Variants in LRRFIP1 observed in about 807,000 individuals in gnomAD.
The protein encoded by LRRFIP1 is leucine-rich repeat flightless-interacting protein 1.
A neutral mutation model predicts 104.4 loss-of-function variants in LRRFIP1; 62 were observed. That is an observed-to-expected ratio of 0.59 (90% CI 0.48 to 0.73). LRRFIP1 has a LOEUF of 0.73. Among genes scored for constraint, LRRFIP1 ranks in the 30% least tolerant of loss-of-function variants. LRRFIP1 has a pLI of 0.00. For synonymous variants in LRRFIP1, 300 were observed against 299.0 expected (o/e 1.00, Z -0.03); for missense variants, 796 against 824.5 (o/e 0.97, Z 0.42).
At position 237,691,348 on chromosome 2, in the gene LRRFIP1, G is replaced by T. The variant is rs942670670; in HGVS notation, c.97-17196G>T. Among the ~76,000 whole-genome samples, 1 of 152,204 alleles carries T rather than the reference G, an allele frequency of 6.6e-6. No homozygotes were observed. Among genetic ancestry groups the T allele is most frequent in the Non-Finnish European group, 1.5e-5 (1 of 68,034 alleles). On this transcript the variant is annotated intron_variant, in intron 1 of 23. Coordinates refer to ENST00000308482, the MANE Select transcript of LRRFIP1 (RefSeq NM_001137550.2). The surrounding 1 kb of genome is among the most constrained non-coding windows in gnomAD (Gnocchi z 5.4). ...GGTGGCGCGGGCTGGAGCCCTCCCG[G>T]AGGAGACCGGCGCCTGGCAGGGGGT...
At chr2:237,665,665 T>C (rs536319984) in intron 1 of LRRFIP1, among the ~76,000 whole-genome samples, 2 of 152,376 alleles carry the variant, frequency 1.3e-5, no homozygotes, top group East Asian at 3.9e-4. Context: ...AGCGATATTG[T>C]GTTTATGTAG....
In LRRFIP1 at chr2:237,720,959, T is replaced by C. The variant is rs541881439; in HGVS notation, c.345+137T>C. ...AATATTTAACCGATGAGATGCTTAC[T>C]TAAAATCAAATCAATGGGGGATGTT... On this transcript the variant is annotated intron_variant, in intron 6 of 23. Coordinates refer to ENST00000308482, the MANE Select transcript of LRRFIP1 (RefSeq NM_001137550.2). 5 of 732,942 alleles carry C rather than the reference T, an allele frequency of 6.8e-6. No individual in the cohort carries two copies. In the Admixed American group the frequency reaches 1.1e-4, roughly 17 times the overall value. The allele number at this position is 732,942 out of a possible 1,614,324, so 45.4% of individuals were successfully genotyped here.
intron 1 of LRRFIP1, among the ~76,000 whole-genome samples, chr2:237,630,847 G>A (rs1462333058): frequency 6.6e-6 from 1 of 152,254 alleles, no homozygotes; most frequent in Admixed American, 6.5e-5. Context: ...CTTGCTTCAT[G>A]GAGGCCAGCT....
chr2:237,643,556 C>G (rs754480981), intron 1 of LRRFIP1, among the ~76,000 whole-genome samples: 4 of 152,232 alleles, frequency 2.6e-5, no homozygotes, highest in Non-Finnish European at 5.9e-5. Context: ...CTGTGACCTT[C>G]CCGCTGGGCG....
chr2:237,771,112 C>T (rs1490321536), intron 20 of LRRFIP1, among the ~76,000 whole-genome samples: 2 of 152,046 alleles, frequency 1.3e-5, no homozygotes, highest in Non-Finnish European at 2.9e-5. Flanking sequence ...GGTAGGAAGG[C>T]AGGTGATCAC....
Position 237,681,678 on chromosome 2 carries a change from C to CTTTTTTTTTTTTT in LRRFIP1, c.97-26859_97-26847dup, listed in dbSNP as rs1172576547. Among the ~76,000 whole-genome samples, 105 of 44,890 alleles carry CTTTTTTTTTTTTT rather than the reference C, an allele frequency of 2.3e-3. 30 individuals are homozygous for CTTTTTTTTTTTTT. Among genetic ancestry groups the CTTTTTTTTTTTTT allele is most frequent in the East Asian group, 0.015 (15 of 990 alleles). The allele number at this position is 44,890 out of a possible 152,430, so 29.4% of individuals were successfully genotyped here. On this transcript the variant is annotated intron_variant, in intron 1 of 23. Coordinates refer to ENST00000308482, the MANE Select transcript of LRRFIP1 (RefSeq NM_001137550.2). ...CACCGTGCCCGGCCGCAGTCCTATT[C>CTTTTTTTTTTTTT]TTTTTTTTTTTTTTTTTTTGAGACG...
intron 11 of LRRFIP1, among the ~76,000 whole-genome samples, chr2:237,741,818 G>C (rs1445717033): frequency 6.6e-6 from 1 of 151,100 alleles, no homozygotes; most frequent in African/African-American, 2.4e-5. Context: ...ACAAGGCAAG[G>C]CTCCGTCTAA....
chr2:237,696,919 C>T (rs554972002), intron 1 of LRRFIP1, among the ~76,000 whole-genome samples: 2 of 152,244 alleles, frequency 1.3e-5, no homozygotes, highest in Non-Finnish European at 2.9e-5. Context: ...GGACAGAAGT[C>T]CTTGTCTTGA....
intron 20 of LRRFIP1, among the ~76,000 whole-genome samples, chr2:237,771,622 C>T (rs968325898): frequency 7.9e-6 from 1 of 127,308 alleles, no homozygotes; most frequent in Non-Finnish European, 1.6e-5. Flanking sequence ...GAGGGGAAAG[C>T]TAGCTAGAGA....
intron 1 of LRRFIP1, among the ~76,000 whole-genome samples, chr2:237,672,584 T>C (rs2149555689): frequency 6.6e-6 from 1 of 152,336 alleles, no homozygotes; most frequent in Non-Finnish European, 1.5e-5. Flanking sequence ...TCTGTCAAAA[T>C]GGAAAGAAAG....
rs538011207 is a variant in LRRFIP1 at position 237,757,648 on chromosome 2, A to T, written c.1224+100A>T. ...AGTTTGCAAAACCGCTTGTCTGAGT[A>T]TGCATGCAACTCCCACGTGACACAA... On this transcript the variant is annotated intron_variant, in intron 17 of 23. Transcript: ENST00000308482. 2 of 780,904 alleles carry T rather than the reference A, an allele frequency of 2.6e-6. 1 individual carries two copies. The highest frequency in any genetic ancestry group is 3.2e-5 in the South Asian group (2 of 63,356). The allele number at this position is 780,904 out of a possible 1,614,324, so 48.4% of individuals were successfully genotyped here.
rs10645424 is a variant in LRRFIP1 at position 237,641,496 on chromosome 2, C to CAAAA, written c.96+13772_96+13775dup. Among the ~76,000 whole-genome samples the CAAAA allele has an allele frequency of 2.9e-3, 348 of 121,938 alleles. 6 individuals are homozygous for CAAAA. The Middle Eastern group carries it at 0.031, about 11-fold the overall frequency. 80.0% of individuals were successfully genotyped at this position (121,938 alleles called of 152,430 possible). On this transcript the variant is annotated intron_variant, in intron 1 of 23. Coordinates refer to ENST00000308482, the MANE Select transcript of LRRFIP1 (RefSeq NM_001137550.2). The stretch of plus-strand genomic sequence containing the variant: ...TGGGCAACAGAGTAAGACTCTGTCT[C>CAAAA]AAAAAAAAAAAAAAAAAAATTGTGT...
intron 8 of LRRFIP1, among the ~76,000 whole-genome samples, chr2:237,730,320 C>T (rs567087635): frequency 1.5e-4 from 23 of 152,348 alleles, no homozygotes; most frequent in African/African-American, 4.8e-4. Flanking sequence ...CCATTCTCTA[C>T]AAACATGCAT....
chr2:237,708,814 A>C, intron 2 of LRRFIP1, 184 bp downstream of exon 2: 1 of 734,666 alleles, frequency 1.4e-6, no homozygotes, highest in Non-Finnish European at 2.5e-6. Flanking sequence ...CACGGATACC[A>C]GGCGTGCCTG....
intron 14 of LRRFIP1, 73 bp from the exon 15 acceptor site, chr2:237,753,236 T>A (rs75728276): frequency 6.6e-6 from 8 of 1,208,648 alleles, no homozygotes; most frequent in Non-Finnish European, 6.9e-6. Flanking sequence ...GGTTTTTTTT[T>A]AACAGAATAC....
intron 1 of LRRFIP1, among the ~76,000 whole-genome samples, chr2:237,706,546 G>A (rs2093819586): frequency 6.6e-6 from 1 of 152,194 alleles, no homozygotes; most frequent in Admixed American, 6.5e-5. Context: ...TCACTTTGCT[G>A]GCCCATTGGT....
chr2:237,720,358 A>T (rs545865977), intron 5 of LRRFIP1, among the ~76,000 whole-genome samples: 1 of 151,822 alleles, frequency 6.6e-6, no homozygotes, highest in East Asian at 1.9e-4. Flanking sequence ...AGTGATTCTC[A>T]TGCCTCAGCC....
At chr2:237,656,572 T>A (rs1451301062) in intron 1 of LRRFIP1, among the ~76,000 whole-genome samples, 1 of 152,234 alleles carries the variant, frequency 6.6e-6, no homozygotes, top group African/African-American at 2.4e-5. Flanking sequence ...GTGCCTGGTA[T>A]TCCTGCGTGC....
At chr2:237,733,319 C>T (rs947269304) in intron 8 of LRRFIP1, among the ~76,000 whole-genome samples, 1 of 152,184 alleles carries the variant, frequency 6.6e-6, no homozygotes, top group Non-Finnish European at 1.5e-5. Context: ...TGAAGACTGT[C>T]GCTGGGCCCC....
Sources: gnomAD v4.1 joint callset for allele counts (sites outside exome capture counted in the v4.1 genomes callset) on GRCh38, gnomAD v4.1.1 for gene constraint, Gnocchi (gnomAD v3.1) non-coding constraint, MANE v1.5 for transcripts, NCBI Gene and HGNC (gene_info 2026-07-23, HGNC 2026-07-21) for gene names.